ALS2: variants seen among roughly 807,000 people sequenced by gnomAD.
ALS2 encodes the protein alsin.
Under a neutral mutation model 203.4 loss-of-function variants are expected in ALS2, and 117 were observed. That is an observed-to-expected ratio of 0.58 (90% CI 0.50 to 0.67). The LOEUF (loss-of-function observed/expected upper bound fraction) is 0.67, where lower values mean the gene tolerates loss of function less well. Ranked by LOEUF, ALS2 falls within the 30% of genes least tolerant of loss-of-function variation. The pLI is 0.00. For missense variants in ALS2, 1,715 were observed against 1,989.4 expected, an observed-to-expected ratio of 0.86 and a Z score of 2.62; for synonymous variants, 718 against 725.9, an observed-to-expected ratio of 0.99 and a Z score of 0.17.
chr2:201,724,449 C>T lies in ALS2; in HGVS notation c.3358G>A (p.Gly1120Ser). The change falls in exon 21 of 34, where the codon GGT (glycine) becomes AGT (serine). Residue 1120 changes from glycine to serine, a missense_variant. Physicochemically the swap from Gly to Ser is moderately conservative, Grantham distance 56 (BLOSUM62 0). Transcript: ENST00000264276. ...TGAAAACAGCCCTCAAATACTTCAC[C>T]AGAAGCATAGCTGTGGTTGGAAAGA... Reference protein sequence around the residue: ...CGQGVYSYASGEVFEGCFQDN... With the variant: ...CGQGVYSYASSEVFEGCFQDN... The T allele has an allele frequency of 6.2e-7, 1 of 1,614,008 alleles. No individual in the cohort carries two copies. Among genetic ancestry groups the T allele is most frequent in the Non-Finnish European group, 8.5e-7 (1 of 1,179,926 alleles).
At chr2:201,714,281 T>TTACA (rs1690225781) in intron 25 of ALS2, among the ~76,000 whole-genome samples, 1 of 152,240 alleles carries the variant, frequency 6.6e-6, no homozygotes, top group Non-Finnish European at 1.5e-5. Flanking sequence ...TCCTGTAAGC[T>TTACA]GGGACTGTGG....
chr2:201,743,845 C>G (rs1343448042), intron 10 of ALS2, among the ~76,000 whole-genome samples: 1 of 152,132 alleles, frequency 6.6e-6, no homozygotes, highest in Non-Finnish European at 1.5e-5. Flanking sequence ...AAATAAATCT[C>G]TACTTGATAC....
intron 23 of ALS2, among the ~76,000 whole-genome samples, chr2:201,720,678 C>T (rs1040478637): frequency 2.0e-5 from 3 of 151,868 alleles, no homozygotes; most frequent in African/African-American, 7.3e-5. Context: ...CACGCCACTG[C>T]ACTCCAGCCT....
intron 27 of ALS2, 146 bp from the exon 28 acceptor site, chr2:201,708,137 G>A: frequency 1.4e-6 from 1 of 699,892 alleles, no homozygotes; most frequent in Non-Finnish European, 2.4e-6. Context: ...TTTCTAACAG[G>A]ATAAAATTAA....
chr2:201,705,188 T>A lies in ALS2; in HGVS notation c.4639A>T (p.Thr1547Ser). Residue 1547 changes from threonine to serine, a missense_variant, in exon 31 of 34, where the codon ACG becomes TCG. Thr to Ser is a moderately conservative substitution (Grantham distance 58, BLOSUM62 1). This residue lies in a region of ALS2 where 1,227 missense variants were observed against 1,413.5 expected (regional missense o/e 0.87). Transcript: ENST00000264276. ...GCTGAGGCAAAACAAGCATCTTTCG[T>A]GGTTGGCAAAACCTGCAAAAAAGAG... ...LGESKKVLPT[T>S]KDACFASAVE... 2.5e-6 allele frequency: 4 copies of A among 1,614,116 alleles called. No individual in the cohort carries two copies. The highest frequency in any genetic ancestry group is 3.4e-6 in the Non-Finnish European group (4 of 1,180,000).
chr2:201,733,227 A>G (rs1691682453), intron 13 of ALS2, 49 bp downstream of exon 13: 2 of 1,594,328 alleles, frequency 1.3e-6, no homozygotes, highest in Non-Finnish European at 1.7e-6. Flanking sequence ...ACAAACAACT[A>G]TGATCCTTGG....
chr2:201,762,131 T>C (rs1689519352), intron 3 of ALS2, among the ~76,000 whole-genome samples: 1 of 152,184 alleles, frequency 6.6e-6, no homozygotes, highest in South Asian at 2.1e-4. Context: ...ATCCAGGCTA[T>C]TATAGAAACA....
intron 4 of ALS2, chr2:201,759,535 C>T: frequency 1.0e-6 from 1 of 981,858 alleles, no homozygotes; most frequent in Non-Finnish European, 1.2e-6. Context: ...CAATGTTTAA[C>T]AAAGTAAGTA....
chr2:201,703,828 T>A (rs949809198), intron 33 of ALS2, among the ~76,000 whole-genome samples: 2 of 152,348 alleles, frequency 1.3e-5, no homozygotes, highest in East Asian at 3.9e-4. Flanking sequence ...ATCCTTTCTG[T>A]TTCTTTTTTA....
At chr2:201,740,442 A>T (rs1377806177) in intron 11 of ALS2, among the ~76,000 whole-genome samples, 1 of 152,248 alleles carries the variant, frequency 6.6e-6, no homozygotes, top group Non-Finnish European at 1.5e-5. Context: ...TAAGGCCTAA[A>T]GTACCAGAGA....
At chr2:201,720,539 CAAAAA>C (rs34418114) in intron 23 of ALS2, among the ~76,000 whole-genome samples, 2 of 66,496 alleles carry the variant, frequency 3.0e-5, no homozygotes, top group Admixed American at 1.9e-4. Flanking sequence ...TCTGTCTCTA[CAAAAA>C]AAAAAAAAAA....
At chr2:201,716,728 A>G (rs2105984204) in intron 24 of ALS2, 1 of 151,084 alleles carries the variant, frequency 6.6e-6, no homozygotes, top group South Asian at 2.1e-4. Context: ...AAAAAAAAAA[A>G]ATTTAAAAAT....
intron 28 of ALS2, among the ~76,000 whole-genome samples, 162 bp downstream of exon 28, chr2:201,707,707 G>A (rs965475565): frequency 2.0e-5 from 3 of 152,126 alleles, no homozygotes; most frequent in Non-Finnish European, 4.4e-5. Flanking sequence ...GGGATTACAG[G>A]TGTGAGCCAC....
At chr2:201,765,133 G>A (rs533348954) in intron 3 of ALS2, among the ~76,000 whole-genome samples, 2 of 152,090 alleles carry the variant, frequency 1.3e-5, no homozygotes, top group Non-Finnish European at 2.9e-5. Context: ...AAGTAGCTGG[G>A]ACTACAGGCG....
At chr2:201,746,435 G>A in intron 9 of ALS2, 131 bp downstream of exon 9, 1 of 1,028,474 alleles carries the variant, frequency 9.7e-7, no homozygotes, top group East Asian at 2.4e-5. Flanking sequence ...GGGCTTGAAA[G>A]GAGTTTGCAA....
intron 27 of ALS2, among the ~76,000 whole-genome samples, chr2:201,708,425 G>A (rs980419670): frequency 6.6e-6 from 1 of 152,138 alleles, no homozygotes; most frequent in Admixed American, 6.6e-5. Context: ...AGATTCAGGA[G>A]GCACATATGT....
At position 201,753,181 on chromosome 2, in the gene ALS2, C is replaced by T. The variant is rs1340245289; in HGVS notation, c.1702G>A (p.Gly568Ser). 6.2e-7 allele frequency: 1 copy of T among 1,614,114 alleles called. No individual in the cohort carries two copies. The change falls in exon 7 of 34, where the codon GGT becomes AGT. Residue 568 changes from glycine (G) to serine (S), a missense_variant. Gly to Ser is a moderately conservative substitution (Grantham distance 56). This residue lies in a region of ALS2 where 1,227 missense variants were observed against 1,413.5 expected (regional missense o/e 0.87). Transcript: ENST00000264276. ...GKEVIHLEAGGYHSLALTAKS... is the reference protein window; with the variant it reads ...GKEVIHLEAGSYHSLALTAKS... ...GCAGTAAGTGCAAGAGAATGGTAAC[C>T]ACCTGCCTCCAGATGGATTACTTCT...
At chr2:201,708,107 G>T in intron 27 of ALS2, 116 bp from the exon 28 acceptor site, 2 of 937,894 alleles carry the variant, frequency 2.1e-6, no homozygotes, top group Non-Finnish European at 3.2e-6. Context: ...AAGTATTTTA[G>T]TTCCCTGAGA....
chr2:201,718,029 A>T (rs1294684812), intron 24 of ALS2, 48 bp downstream of exon 24: 2 of 1,596,800 alleles, frequency 1.3e-6, no homozygotes, highest in Non-Finnish European at 1.7e-6. Context: ...AAAGCAAGAC[A>T]ACTCCAAACA....
Sources: gnomAD v4.1 joint callset for allele counts (sites outside exome capture counted in the v4.1 genomes callset) on GRCh38, gnomAD v4.1.1 for gene constraint, gnomAD v4.1.1 regional missense constraint, MANE v1.5 for transcripts, NCBI Gene and HGNC (gene_info 2026-07-23, HGNC 2026-07-21) for gene names.